Variants in GFPT1 observed in about 807,000 individuals in gnomAD.
GFPT1 encodes the protein glutamine--fructose-6-phosphate transaminase 1.
Under a neutral mutation model 92.0 loss-of-function variants are expected in GFPT1, and 40 were observed. The observed-to-expected ratio is 0.43, with a 90% confidence interval of 0.34 to 0.57. The LOEUF is 0.57. Ranked by LOEUF, GFPT1 falls within the 20% of genes least tolerant of loss-of-function variation. The pLI is 0.02. For synonymous variants in GFPT1, 269 were observed against 280.6 expected, an observed-to-expected ratio of 0.96 and a Z score of 0.41; for missense variants, 448 against 869.1, an observed-to-expected ratio of 0.52 and a Z score of 6.09.
In GFPT1 at chr2:69,370,079, C is replaced by A. The variant is rs770302575; in HGVS notation, c.145G>T (p.Asp49Tyr). 2 of 1,610,788 alleles carry A rather than the reference C, an allele frequency of 1.2e-6. No individual in the cohort carries two copies. The highest frequency in any genetic ancestry group is 1.7e-6 in the Non-Finnish European group (2 of 1,176,998). The change falls in exon 3 of 20, where the codon GAT becomes TAT. Residue 49 changes from aspartate (D) to tyrosine (Y), a missense_variant. Asp to Tyr is a radical substitution (Grantham distance 160). Around this residue, in one of 7 missense-constraint regions of GFPT1, gnomAD observed 72 missense variants for 95.1 expected, o/e 0.76. Coordinates refer to ENST00000357308, the MANE Select transcript of GFPT1 (RefSeq NM_001244710.2). ...ATTTTGCAGGCATTGGCTTCCCAATCTTTATCATTGCCTCCATCAAATCCC... is the reference window on the plus strand; with the variant it reads ...ATTTTGCAGGCATTGGCTTCCCAATATTTATCATTGCCTCCATCAAATCCC... ...GVGFDGGNDK[D>Y]WEANACKIQL...
At chr2:69,343,792 T>C (rs1171677535) in intron 12 of GFPT1, among the ~76,000 whole-genome samples, 2 of 152,208 alleles carry the variant, frequency 1.3e-5, no homozygotes, top group Non-Finnish European at 2.9e-5. Flanking sequence ...TGAATAATTA[T>C]ATGTTCTCCG....
intron 14 of GFPT1, 114 bp downstream of exon 14, chr2:69,338,331 C>G (rs1558738572): frequency 1.1e-6 from 1 of 888,482 alleles, no homozygotes; most frequent in African/African-American, 1.7e-5. Flanking sequence ...AATCTGTATT[C>G]GTCAAGTCAT....
intron 12 of GFPT1, among the ~76,000 whole-genome samples, chr2:69,342,849 T>C (rs989576815): frequency 4.6e-5 from 7 of 152,228 alleles, no homozygotes; most frequent in African/African-American, 1.4e-4. Context: ...AGGTGCTCTG[T>C]AGAGTAACAT....
chr2:69,329,297 C>T lies in GFPT1; in HGVS notation c.1725G>A (p.Leu575=). 1 of 1,613,658 alleles carries T rather than the reference C, an allele frequency of 6.2e-7. No individual in the cohort carries two copies. Among genetic ancestry groups the T allele is most frequent in the South Asian group, 1.1e-5 (1 of 91,066 alleles). Residue 575 remains leucine, a splice_region_variant and synonymous_variant, in exon 17 of 20, where the codon CTG becomes CTA. Transcript: ENST00000357308. ...YHYATCLEGA[L]KIKEITYMHS... is the part of the protein sequence containing the mutation. ...ACTAATTAGAACTGAGAAAACTTAC[C>T]AGTGCCCCTTCAAGACAAGTAGCAT...
rs554889236 is a variant in GFPT1, at chr2:69,337,190, G to A, written c.1482+708C>T. On this transcript the variant is annotated intron_variant, in intron 15 of 19. Coordinates refer to ENST00000357308, the MANE Select transcript of GFPT1 (RefSeq NM_001244710.2). The stretch of plus-strand genomic sequence containing the variant: ...AGTGATTCTCTTGCCTCAGCCTCCC[G>A]GGTATGCTGGGATTACAGGCACGTG... Among the ~76,000 whole-genome samples the A allele has an allele frequency of 5.3e-3, 800 of 150,882 alleles. 2 individuals carry two copies. Among genetic ancestry groups the A allele is most frequent in the Non-Finnish European group, 9.1e-3 (615 of 67,780 alleles).
chr2:69,366,309 A>G (rs1455620737), intron 3 of GFPT1, among the ~76,000 whole-genome samples: 1 of 152,232 alleles, frequency 6.6e-6, no homozygotes, highest in Non-Finnish European at 1.5e-5. Flanking sequence ...TTGCTATGAC[A>G]ATAAGCACAT....
chr2:69,363,335 C>T (rs1671521733), intron 4 of GFPT1, among the ~76,000 whole-genome samples: 1 of 152,114 alleles, frequency 6.6e-6, no homozygotes, highest in South Asian at 2.1e-4. Flanking sequence ...AACTCCTGGA[C>T]TCAAGCAATC....
intron 10 of GFPT1, among the ~76,000 whole-genome samples, chr2:69,348,756 C>T: frequency 6.6e-6 from 1 of 152,158 alleles, no homozygotes; most frequent in East Asian, 1.9e-4. Context: ...TCCGTCCATC[C>T]TCCATTTCTG....
chr2:69,355,460 T>C (rs1671314813), intron 7 of GFPT1, among the ~76,000 whole-genome samples: 1 of 152,252 alleles, frequency 6.6e-6, no homozygotes, highest in Admixed American at 6.5e-5. Context: ...TTTTGGAACA[T>C]ACCCATGCCC....
intron 1 of GFPT1, among the ~76,000 whole-genome samples, chr2:69,378,878 C>A (rs1289558658): frequency 2.0e-5 from 3 of 152,258 alleles, no homozygotes; most frequent in Admixed American, 2.0e-4. Flanking sequence ...TCAAAATCTA[C>A]CTACAATGTC....
At chr2:69,342,492 A>G (rs1321025383) in intron 12 of GFPT1, among the ~76,000 whole-genome samples, 5 of 152,226 alleles carry the variant, frequency 3.3e-5, no homozygotes, top group Non-Finnish European at 1.5e-5. Context: ...ACACAATTAC[A>G]GTATTTATTA....
chr2:69,384,711 A>G (rs1233569240), intron 1 of GFPT1, among the ~76,000 whole-genome samples: 2 of 147,352 alleles, frequency 1.4e-5, no homozygotes, highest in Non-Finnish European at 3.0e-5. Flanking sequence ...AAAAAAAAAA[A>G]AGAAAAAAGA....
intron 4 of GFPT1, 93 bp downstream of exon 4, chr2:69,363,452 A>AATT (rs1363126166): frequency 7.5e-7 from 1 of 1,334,048 alleles, no homozygotes; most frequent in African/African-American, 1.5e-5. Context: ...CCAGATGAAA[A>AATT]ATTATTAAAA....
intron 2 of GFPT1, 139 bp downstream of exon 2, chr2:69,373,867 T>C (rs1315089072): frequency 3.7e-6 from 2 of 538,310 alleles, no homozygotes; most frequent in East Asian, 3.5e-5. Flanking sequence ...ATCCTTTAAA[T>C]ATGATAAAAG....
Position 69,320,419 on chromosome 2 carries a change from A to G in GFPT1, c.*5770T>C, listed in dbSNP as rs1252289236. On this transcript the variant is annotated 3_prime_UTR_variant, in exon 20 of 20. Transcript: ENST00000357308. ...ACCTCCCTATACTTATCTCCATTTC[A>G]AAATATACAAAGCTGAGTGACAGAG... 2 of 152,246 alleles carry G rather than the reference A, an allele frequency of 1.3e-5. No individual in the cohort carries two copies. Among genetic ancestry groups the G allele is most frequent in the Non-Finnish European group, 1.5e-5 (1 of 68,066 alleles). 9.4% of individuals were successfully genotyped at this position (152,246 alleles called of 1,614,324 possible). A position where few individuals can be genotyped will look rare whatever the true frequency, so the allele number is the denominator to read the frequency against.
chr2:69,335,246 A>T (rs1011781177), intron 15 of GFPT1, among the ~76,000 whole-genome samples: 1 of 152,066 alleles, frequency 6.6e-6, no homozygotes, highest in Non-Finnish European at 1.5e-5. Context: ...GCCTCAAGTG[A>T]TCCTCCCAAT....
At chr2:69,354,459 A>T in intron 8 of GFPT1, 30 bp downstream of exon 8, 1 of 1,365,384 alleles carries the variant, frequency 7.3e-7, no homozygotes, top group Non-Finnish European at 1.0e-6. Flanking sequence ...CTTCATATCT[A>T]CTGCACTGCA....
chr2:69,376,548 CT>C (rs1377616606), intron 1 of GFPT1, among the ~76,000 whole-genome samples: 1 of 150,356 alleles, frequency 6.7e-6, no homozygotes. Flanking sequence ...GTGAAAAAAA[CT>C]GAATCTGAAC....
chr2:69,337,991 C>A lies in GFPT1; in HGVS notation c.1389G>T (p.Gly463=). Residue 463 remains glycine, a synonymous_variant, in exon 15 of 20, where the codon GGG becomes GGT. Transcript: ENST00000357308. The part of the protein sequence containing the change: ...YCKERGALTV[G]ITNTVGSSIS... ...TGGAACTGCCAACTGTGTTTGTGAT[C>A]CCCACAGTTAAAGCTCCTCTCTCCT... is the stretch of plus-strand genomic sequence containing the variant. The A allele has an allele frequency of 6.2e-7, 1 of 1,612,356 alleles. No individual in the cohort carries two copies. The highest frequency in any genetic ancestry group is 1.1e-5 in the South Asian group (1 of 91,046).
Sources: allele counts gnomAD v4.1 joint callset (sites outside exome capture counted in the v4.1 genomes callset), GRCh38; gene constraint gnomAD v4.1.1; regional missense constraint gnomAD v4.1.1; transcripts MANE v1.5; gene names NCBI Gene and HGNC (gene_info 2026-07-23, HGNC 2026-07-21).